INTS6: variants seen among roughly 807,000 people sequenced by gnomAD.
INTS6 encodes the protein integrator complex subunit 6.
A neutral mutation model predicts 104.9 loss-of-function variants in INTS6; 16 were observed. The ratio of observed to expected loss-of-function variants is 0.15; its 90% CI spans 0.10 to 0.23. The LOEUF (loss-of-function observed/expected upper bound fraction) is 0.23, where lower values mean the gene tolerates loss of function less well. INTS6 is among the 10% of genes least tolerant of loss of function. INTS6 has a pLI of 1.00. For synonymous variants in INTS6, 324 were observed against 358.7 expected, an observed-to-expected ratio of 0.90 and a Z score of 1.09; for missense variants, 584 against 1,062.8, an observed-to-expected ratio of 0.55 and a Z score of 6.26.
chr13:51,345,298 T>C, the INTS6 span, among the ~76,000 whole-genome samples: 16 of 152,126 alleles, frequency 1.1e-4, no homozygotes, highest in South Asian at 2.1e-4. Flanking sequence ...AAAAGTTTCA[T>C]AGCAATGTGG....
intron 9 of INTS6, among the ~76,000 whole-genome samples, chr13:51,383,099 C>A (rs1296468281): frequency 2.7e-5 from 4 of 149,658 alleles, no homozygotes; most frequent in Non-Finnish European, 5.9e-5. Context: ...CCCACCCCCC[C>A]GCAAAAAAAA....
At chr13:51,355,927 C>T (rs138273112) in intron 3 of INTS6, among the ~76,000 whole-genome samples, 17 of 152,218 alleles carry the variant, frequency 1.1e-4, no homozygotes, top group Non-Finnish European at 2.4e-4. Flanking sequence ...ATTTCCCTTA[C>T]CTGAAGGGCT....
chr13:51,375,401 CTT>C (rs1955900482), intron 13 of INTS6, among the ~76,000 whole-genome samples: 1 of 148,982 alleles, frequency 6.7e-6, no homozygotes, highest in Admixed American at 6.7e-5. Flanking sequence ...AGATGTATCT[CTT>C]CTCTTCTGCG....
At chr13:51,361,355 G>C, downstream of INTS6, 1 of 1,603,250 alleles carries the variant, frequency 6.2e-7, no homozygotes, top group South Asian at 1.1e-5. Flanking sequence ...CAAGGCATCT[G>C]GAGCCACAGG....
chr13:51,404,341 T>G (rs938020075), intron 4 of INTS6, among the ~76,000 whole-genome samples: 1 of 147,950 alleles, frequency 6.8e-6, no homozygotes, highest in African/African-American at 2.5e-5. Context: ...CCAACACACA[T>G]AGATACAAAG....
At chr13:51,341,115 C>T in the INTS6 span, 1 of 1,613,928 alleles carries the variant, frequency 6.2e-7, no homozygotes, top group Non-Finnish European at 8.5e-7. Context: ...TGATCACCCT[C>T]TTCCTCTTTC....
intron 7 of INTS6, chr13:51,384,923 G>A: frequency 3.0e-6 from 1 of 331,886 alleles, no homozygotes; most frequent in East Asian, 7.9e-5. Flanking sequence ...ATCAGTCCCT[G>A]TCTGATCAAT....
chr13:51,395,158 G>A, intron 5 of INTS6, 142 bp downstream of exon 5: 5 of 695,046 alleles, frequency 7.2e-6, no homozygotes, highest in Non-Finnish European at 1.2e-5. Flanking sequence ...AGCAATAAAT[G>A]TACTATTAAA....
intron 4 of INTS6, among the ~76,000 whole-genome samples, chr13:51,400,875 G>A (rs1274618800): frequency 2.6e-5 from 4 of 152,080 alleles, no homozygotes; most frequent in African/African-American, 9.7e-5. Flanking sequence ...AATCTGCAAT[G>A]TTCTGTTTCA....
intron 10 of INTS6, 35 bp from the exon 11 acceptor site, chr13:51,379,607 G>T: frequency 7.9e-7 from 1 of 1,262,354 alleles, no homozygotes; most frequent in Admixed American, 2.3e-5. Context: ...TCAATATTAA[G>T]CTTATTAAAA....
chr13:51,345,189 A>G, the INTS6 span, among the ~76,000 whole-genome samples: 1 of 152,136 alleles, frequency 6.6e-6, no homozygotes, highest in African/African-American at 2.4e-5. Flanking sequence ...CATTCTATAA[A>G]TGGAGAAACT....
intron 4 of INTS6, among the ~76,000 whole-genome samples, chr13:51,400,833 G>A (rs911292211): frequency 6.6e-6 from 1 of 152,124 alleles, no homozygotes; most frequent in African/African-American, 2.4e-5. Flanking sequence ...AAGTGACACT[G>A]AGTAGGGGAA....
chr13:51,334,938 A>C, the INTS6 span, among the ~76,000 whole-genome samples: 4 of 149,620 alleles, frequency 2.7e-5, no homozygotes, highest in Admixed American at 6.8e-5. Flanking sequence ...AGCTGAGATC[A>C]TGCCACTAAA....
intron 4 of INTS6, among the ~76,000 whole-genome samples, chr13:51,416,384 C>T (rs1956787295): frequency 1.3e-5 from 2 of 152,316 alleles, no homozygotes; most frequent in East Asian, 1.9e-4. Context: ...CTTCTATATA[C>T]ATTAGCATCC....
chr13:51,349,681 ACCGT>A (rs1219084404), downstream of INTS6, among the ~76,000 whole-genome samples: 1 of 152,214 alleles, frequency 6.6e-6, no homozygotes, highest in East Asian at 1.9e-4. Context: ...AGAACTCTCC[ACCGT>A]CCTGATTCTG....
intron 4 of INTS6, among the ~76,000 whole-genome samples, chr13:51,426,610 A>G (rs1956989678): frequency 6.6e-6 from 1 of 152,104 alleles, no homozygotes; most frequent in Non-Finnish European, 1.5e-5. Flanking sequence ...AAACCATTTA[A>G]TAGGTGATTT....
intron 4 of INTS6, among the ~76,000 whole-genome samples, chr13:51,403,910 C>CA (rs1956498189): frequency 1.3e-5 from 2 of 152,028 alleles, no homozygotes; most frequent in South Asian, 4.1e-4. Flanking sequence ...AAGCACCTCT[C>CA]AGTGTCCTGC....
the INTS6 span, among the ~76,000 whole-genome samples, chr13:51,339,967 C>T: frequency 2.0e-5 from 3 of 152,118 alleles, no homozygotes; most frequent in African/African-American, 7.2e-5. Context: ...GTACCAAGGT[C>T]ATCCAAGCAC....
At position 51,372,819 on chromosome 13, in the gene INTS6, C is replaced by T. The variant is rs75092387; in HGVS notation, c.2104+1389G>A. Among the ~76,000 whole-genome samples, 8 of 152,350 alleles carry T rather than the reference C, an allele frequency of 5.3e-5. No homozygotes were observed. In the East Asian group the frequency reaches 1.4e-3, roughly 26 times the overall value. On this transcript the variant is annotated intron_variant, in intron 15 of 17. Coordinates refer to ENST00000311234, the MANE Select transcript of INTS6 (RefSeq NM_012141.3). ...AACCCCACTGTCAGGTCAGCAGCATCTGTTCCCCGGGTTTCCCAACTGATT... is the reference window on the plus strand; with the variant it reads ...AACCCCACTGTCAGGTCAGCAGCATTTGTTCCCCGGGTTTCCCAACTGATT...
Sources: allele counts gnomAD v4.1 joint callset (sites outside exome capture counted in the v4.1 genomes callset), GRCh38; gene constraint gnomAD v4.1.1; transcripts MANE v1.5; gene names NCBI Gene and HGNC (gene_info 2026-07-23, HGNC 2026-07-21).